The following CCAT2 variants were observed in gnomAD, a reference collection of about 807,000 sequenced individuals.
The protein encoded by CCAT2 is colon cancer associated transcript 2 (non-protein coding).
exon 1 of CCAT2, chr8:127,401,213 G>A (rs1180871353): frequency 1.3e-5 from 2 of 152,206 alleles, no homozygotes; most frequent in East Asian, 3.8e-4. Flanking sequence ...AGACTGGGCT[G>A]TGTATACAGA....
exon 1 of CCAT2, chr8:127,401,746 C>T (rs762956629): frequency 1.3e-5 from 2 of 152,238 alleles, no homozygotes; most frequent in Non-Finnish European, 2.9e-5. Context: ...CTGAGGAAAA[C>T]ATCCATCACC....
At chr8:127,400,604 C>G (rs866316321) in exon 1 of CCAT2, 1 of 152,232 alleles carries the variant, frequency 6.6e-6, no homozygotes, top group African/African-American at 2.4e-5. Flanking sequence ...CAGAGACTCC[C>G]CAAGAGCTAA....
At chr8:127,401,688 A>G (rs1033409055) in exon 1 of CCAT2, 7 of 152,216 alleles carry the variant, frequency 4.6e-5, no homozygotes, top group African/African-American at 1.7e-4. Flanking sequence ...TAAGCCCTTA[A>G]TATGGTATGA....
exon 1 of CCAT2, chr8:127,400,592 AAC>A (rs763225996): frequency 6.6e-6 from 1 of 152,252 alleles, no homozygotes; most frequent in Non-Finnish European, 1.5e-5. Flanking sequence ...GGGAGGTATC[AAC>A]AGAGACTCCC....
chr8:127,402,149 A>G (rs1814945936), exon 1 of CCAT2: 1 of 152,170 alleles, frequency 6.6e-6, no homozygotes, highest in Non-Finnish European at 1.5e-5. Context: ...AGCCCAGAAG[A>G]CACTAGTGCA....
exon 1 of CCAT2, chr8:127,400,603 C>T (rs892965927): frequency 1.3e-5 from 2 of 152,052 alleles, no homozygotes; most frequent in Non-Finnish European, 2.9e-5. Flanking sequence ...ACAGAGACTC[C>T]CCAAGAGCTA....
chr8:127,400,946 C>G (rs1364016077), exon 1 of CCAT2: 2 of 152,256 alleles, frequency 1.3e-5, no homozygotes, highest in Non-Finnish European at 2.9e-5. Flanking sequence ...TTAACCTCTT[C>G]CTATCTCAGC....
chr8:127,401,747 A>G (rs759877687), exon 1 of CCAT2: 24 of 152,228 alleles, frequency 1.6e-4, no homozygotes, highest in Non-Finnish European at 2.6e-4. Flanking sequence ...TGAGGAAAAC[A>G]TCCATCACCA....
exon 1 of CCAT2, chr8:127,401,657 CA>C (rs1309342911): frequency 6.6e-6 from 1 of 152,338 alleles, no homozygotes; most frequent in East Asian, 1.9e-4. Flanking sequence ...AAGCTACCAG[CA>C]GCACCATTTC....
exon 1 of CCAT2, chr8:127,401,646 A>G (rs1020833313): frequency 2.0e-5 from 3 of 152,250 alleles, no homozygotes; most frequent in African/African-American, 7.2e-5. Context: ...GTCAGCTTTT[A>G]AAGCTACCAG....
exon 1 of CCAT2, chr8:127,401,330 C>T (rs888213512): frequency 6.6e-6 from 1 of 152,160 alleles, no homozygotes; most frequent in South Asian, 2.1e-4. Flanking sequence ...CAACTGTTCT[C>T]GTTTCTCAAC....
At chr8:127,401,328 C>T (rs1048060109) in exon 1 of CCAT2, 2 of 152,198 alleles carry the variant, frequency 1.3e-5, no homozygotes, top group Non-Finnish European at 2.9e-5. Context: ...CACAACTGTT[C>T]TCGTTTCTCA....
chr8:127,400,729 G>T (rs1167415398), exon 1 of CCAT2: 1 of 152,194 alleles, frequency 6.6e-6, no homozygotes, highest in African/African-American at 2.4e-5. Flanking sequence ...CTCGTTCTCT[G>T]CATCTGGGAA....
exon 1 of CCAT2, chr8:127,401,415 A>G (rs1172373549): frequency 6.6e-6 from 1 of 152,214 alleles, no homozygotes; most frequent in Non-Finnish European, 1.5e-5. Flanking sequence ...TGCCCTACGT[A>G]AGTTCTACCA....
At chr8:127,400,471 AGAG>A (rs1814925952) in exon 1 of CCAT2, 1 of 152,248 alleles carries the variant, frequency 6.6e-6, no homozygotes, top group Non-Finnish European at 1.5e-5. Context: ...ATACAAATTC[AGAG>A]AAGAAGAAAG....
At chr8:127,402,011 C>A (rs1307061154) in exon 1 of CCAT2, 2 of 152,240 alleles carry the variant, frequency 1.3e-5, no homozygotes, top group African/African-American at 4.8e-5. Context: ...ATAATGTGTG[C>A]TCCAAGTGCT....
At chr8:127,400,464 C>T (rs1329162542) in exon 1 of CCAT2, 1 of 152,172 alleles carries the variant, frequency 6.6e-6, no homozygotes, top group African/African-American at 2.4e-5. Flanking sequence ...AAAATGAATA[C>T]AAATTCAGAG....
At chr8:127,400,842 T>C (rs72550838) in exon 1 of CCAT2, 2,179 of 152,346 alleles carry the variant, frequency 0.014, 19 homozygotes, top group Non-Finnish European at 0.024. Context: ...CATCGCTCCA[T>C]AGAGCCTGCA....
chr8:127,400,499 C>T (rs568317623), exon 1 of CCAT2: 1 of 152,282 alleles, frequency 6.6e-6, no homozygotes, highest in East Asian at 1.9e-4. Context: ...TATGAGACTA[C>T]CAAATGATCA....
Sources: gnomAD v4.1 joint callset for allele counts on GRCh38, gnomAD v4.1.1 for gene constraint, MANE v1.5 for transcripts, NCBI Gene and HGNC (gene_info 2026-07-23, HGNC 2026-07-21) for gene names.